The following MAF variants were observed in gnomAD, a reference collection of about 807,000 sequenced individuals.
MAF encodes MAF bZIP transcription factor, also known as transcription factor Maf.
In MAF, 10 loss-of-function variants were observed where a neutral mutation model predicts 22.0. That is an observed-to-expected ratio of 0.45 (90% CI 0.28 to 0.77). The LOEUF (loss-of-function observed/expected upper bound fraction) is 0.77, where lower values mean the gene tolerates loss of function less well. MAF is among the 30% of genes least tolerant of loss of function. MAF has a pLI of 0.12. For missense variants in MAF, 544 were observed against 548.4 expected, an observed-to-expected ratio of 0.99 and a Z score of 0.08; for synonymous variants, 337 against 255.8, an observed-to-expected ratio of 1.32 and a Z score of -3.03.
At chr16:79,469,786 A>G in the MAF span, among the ~76,000 whole-genome samples, 12 of 151,926 alleles carry the variant, frequency 7.9e-5, no homozygotes. Flanking sequence ...TAGTAGAGAC[A>G]GGGTTTCACA....
At chr16:79,372,066 ATTTTTTTTTTT>A in the MAF span, among the ~76,000 whole-genome samples, 1 of 132,442 alleles carries the variant, frequency 7.6e-6, no homozygotes, top group African/African-American at 2.8e-5. Flanking sequence ...AGGGAGAGGA[ATTTTTTTTTTT>A]TTTTTTTTTT....
At chr16:79,568,373 C>G in the MAF span, among the ~76,000 whole-genome samples, 1 of 152,172 alleles carries the variant, frequency 6.6e-6, no homozygotes, top group Non-Finnish European at 1.5e-5. Flanking sequence ...GACCTGGGTT[C>G]AAATTCCTGT....
chr16:79,338,399 G>T, the MAF span, among the ~76,000 whole-genome samples: 3 of 152,104 alleles, frequency 2.0e-5, no homozygotes, highest in South Asian at 6.2e-4. Flanking sequence ...TATCAGATTT[G>T]CTTTTTAGAA....
the MAF span, among the ~76,000 whole-genome samples, chr16:79,448,308 C>T: frequency 0.01 from 1,580 of 151,620 alleles, 11 homozygotes; most frequent in Non-Finnish European, 0.018. Flanking sequence ...CAGCAGCCAT[C>T]GGAATAGAGG....
At chr16:79,377,288 C>A in the MAF span, among the ~76,000 whole-genome samples, 2 of 152,188 alleles carry the variant, frequency 1.3e-5, no homozygotes, top group African/African-American at 4.8e-5. Flanking sequence ...TGATGATCAG[C>A]ATTTTTTCAT....
chr16:79,367,981 C>A, the MAF span, among the ~76,000 whole-genome samples: 1 of 152,178 alleles, frequency 6.6e-6, no homozygotes, highest in Non-Finnish European at 1.5e-5. Flanking sequence ...GGATGCTCTA[C>A]GTCATCACAA....
the MAF span, among the ~76,000 whole-genome samples, chr16:79,488,198 T>G: frequency 3.3e-5 from 5 of 152,190 alleles, no homozygotes; most frequent in African/African-American, 1.2e-4. Flanking sequence ...TTCTGTCTTG[T>G]GCCAGCCAGC....
the MAF span, among the ~76,000 whole-genome samples, chr16:79,518,672 T>C: frequency 6.6e-6 from 1 of 152,232 alleles, no homozygotes; most frequent in East Asian, 1.9e-4. Flanking sequence ...TTAATATATG[T>C]AAAACATTGA....
At chr16:79,475,953 T>G in the MAF span, among the ~76,000 whole-genome samples, 19 of 152,244 alleles carry the variant, frequency 1.2e-4, no homozygotes, top group South Asian at 4.2e-4. Context: ...TTACATTAGA[T>G]AGAAAAGGTG....
the MAF span, among the ~76,000 whole-genome samples, chr16:79,507,660 C>CAG: frequency 4.0e-5 from 6 of 150,350 alleles, no homozygotes; most frequent in Admixed American, 1.3e-4. Context: ...CTCCTGACCT[C>CAG]GTGATCCATC....
chr16:79,296,018 C>T, the MAF span, among the ~76,000 whole-genome samples: 1 of 152,184 alleles, frequency 6.6e-6, no homozygotes, highest in Non-Finnish European at 1.5e-5. Context: ...TGGGGCTGTC[C>T]CCCTCTGGCT....
the MAF span, among the ~76,000 whole-genome samples, chr16:79,256,580 G>A: frequency 6.6e-6 from 1 of 152,118 alleles, no homozygotes; most frequent in African/African-American, 2.4e-5. Flanking sequence ...ACAGTGAGAT[G>A]ACTGATAAGA....
At chr16:79,540,741 C>A in the MAF span, among the ~76,000 whole-genome samples, 1 of 152,184 alleles carries the variant, frequency 6.6e-6, no homozygotes, top group Admixed American at 6.5e-5. Flanking sequence ...ATAAACAATT[C>A]AGTATCCAAA....
chr16:79,550,164 GT>G, the MAF span, among the ~76,000 whole-genome samples: 1 of 152,086 alleles, frequency 6.6e-6, no homozygotes, highest in Non-Finnish European at 1.5e-5. Context: ...TCTCCCTAGT[GT>G]TTAATAACCC....
At chr16:79,502,360 G>C in the MAF span, among the ~76,000 whole-genome samples, 1 of 152,190 alleles carries the variant, frequency 6.6e-6, no homozygotes, top group East Asian at 1.9e-4. Flanking sequence ...AGAACAACGT[G>C]AAAAACAGAC....
the MAF span, among the ~76,000 whole-genome samples, chr16:79,440,047 G>C: frequency 2.0e-5 from 3 of 152,164 alleles, no homozygotes; most frequent in Admixed American, 6.5e-5. Context: ...GATTCCTTTG[G>C]CTCAGTTCTA....
At chr16:79,403,751 T>C in the MAF span, among the ~76,000 whole-genome samples, 51 of 152,166 alleles carry the variant, frequency 3.4e-4, no homozygotes, top group African/African-American at 1.2e-3. Context: ...AGGAAAAACA[T>C]ACGATCTATA....
the MAF span, among the ~76,000 whole-genome samples, chr16:79,223,311 C>T: frequency 6.6e-6 from 1 of 152,040 alleles, no homozygotes; most frequent in Non-Finnish European, 1.5e-5. Flanking sequence ...TCTTTCAAAC[C>T]AATGAGAACA....
the MAF span, among the ~76,000 whole-genome samples, chr16:79,343,227 A>T: frequency 7.4e-6 from 1 of 134,988 alleles, no homozygotes; most frequent in South Asian, 2.2e-4. Context: ...TGTAGGATCT[A>T]ATCAGCCCCA....
Sources: gnomAD v4.1 joint callset for allele counts (sites outside exome capture counted in the v4.1 genomes callset) on GRCh38, gnomAD v4.1.1 for gene constraint, MANE v1.5 for transcripts, NCBI Gene and HGNC (gene_info 2026-07-23, HGNC 2026-07-21) for gene names.